The following ARHGAP10 variants were observed in gnomAD, a reference collection of about 807,000 sequenced individuals.
ARHGAP10 encodes the protein rho GTPase-activating protein 10.
Under a neutral mutation model 108.6 loss-of-function variants are expected in ARHGAP10, and 87 were observed. The observed-to-expected ratio is 0.80, with a 90% CI of 0.67 to 0.96. The LOEUF (loss-of-function observed/expected upper bound fraction) is 0.96, where lower values mean the gene tolerates loss of function less well. Among genes scored for constraint, ARHGAP10 ranks in the 40% least tolerant of loss-of-function variants. The pLI, the probability that ARHGAP10 is intolerant of heterozygous loss-of-function variation, is 0.00. For missense variants in ARHGAP10, 939 were observed against 954.5 expected, an observed-to-expected ratio of 0.98 and a Z score of 0.21; for synonymous variants, 347 against 341.1, an observed-to-expected ratio of 1.02 and a Z score of -0.19.
intron 10 of ARHGAP10, among the ~76,000 whole-genome samples, chr4:147,899,325 A>ATG (rs1156382493): frequency 6.6e-6 from 1 of 150,880 alleles, no homozygotes; most frequent in East Asian, 1.9e-4. Context: ...GTGTGTGTGC[A>ATG]TGCGTGTGTG....
intron 15 of ARHGAP10, among the ~76,000 whole-genome samples, chr4:147,950,423 T>G (rs1578724959): frequency 6.6e-6 from 1 of 152,218 alleles, no homozygotes; most frequent in African/African-American, 2.4e-5. Flanking sequence ...CCAGCCTGCC[T>G]GCCAGGGTTG....
chr4:147,795,068 G>A (rs188138318), intron 1 of ARHGAP10, among the ~76,000 whole-genome samples: 109 of 152,252 alleles, frequency 7.2e-4, no homozygotes, highest in African/African-American at 2.4e-3. Flanking sequence ...AGCAGCTGCC[G>A]GTCAAGGGTG....
At chr4:147,954,860 AAT>A (rs1481997155) in intron 15 of ARHGAP10, among the ~76,000 whole-genome samples, 4 of 152,150 alleles carry the variant, frequency 2.6e-5, no homozygotes, top group Non-Finnish European at 4.4e-5. Context: ...TTATTTTTAT[AAT>A]ATATTTAATC....
chr4:148,068,945 G>A (rs909083060), intron 22 of ARHGAP10, among the ~76,000 whole-genome samples: 2 of 152,176 alleles, frequency 1.3e-5, no homozygotes, highest in Non-Finnish European at 2.9e-5. Flanking sequence ...TGAGGACACC[G>A]TGGCTGAAGC....
At chr4:147,806,750 G>A (rs1433336770) in intron 1 of ARHGAP10, among the ~76,000 whole-genome samples, 1 of 152,116 alleles carries the variant, frequency 6.6e-6, no homozygotes, top group Non-Finnish European at 1.5e-5. Context: ...TGCCCAGGCT[G>A]GAGTGTGGGG....
chr4:147,827,964 C>T (rs1373678504), intron 3 of ARHGAP10, among the ~76,000 whole-genome samples: 12 of 152,114 alleles, frequency 7.9e-5, no homozygotes, highest in African/African-American at 2.9e-4. Context: ...CGCCACCACG[C>T]CCAGCTCATT....
chr4:148,048,019 C>A (rs941722301), intron 20 of ARHGAP10, among the ~76,000 whole-genome samples: 11 of 152,064 alleles, frequency 7.2e-5, no homozygotes, highest in Admixed American at 2.0e-4. Context: ...GACGGGGTTT[C>A]ACCATGTTGG....
At chr4:147,732,518 C>A in intron 1 of ARHGAP10, 63 bp downstream of exon 1, 1 of 1,591,114 alleles carries the variant, frequency 6.3e-7, no homozygotes, top group Non-Finnish European at 8.6e-7. Flanking sequence ...GAGCCTCTCT[C>A]GGCAGGAGAC....
intron 1 of ARHGAP10, among the ~76,000 whole-genome samples, chr4:147,818,179 A>T (rs1208547612): frequency 9.9e-5 from 14 of 141,910 alleles, no homozygotes; most frequent in Non-Finnish European, 9.1e-5. Flanking sequence ...TTTTTTTTTT[A>T]AAGGTAACAG....
intron 10 of ARHGAP10, among the ~76,000 whole-genome samples, chr4:147,902,485 T>C (rs113424663): frequency 0.03 from 4,523 of 152,240 alleles, 161 homozygotes; most frequent in African/African-American, 0.087. Flanking sequence ...CCCAGCACTT[T>C]AGGAGGCCGA....
intron 18 of ARHGAP10, among the ~76,000 whole-genome samples, chr4:147,973,995 A>G (rs1381586449): frequency 1.3e-5 from 2 of 152,148 alleles, no homozygotes; most frequent in African/African-American, 4.8e-5. Context: ...TGCTGCAGTA[A>G]TCATGGGAGT....
At chr4:147,766,344 C>G (rs1483610098) in intron 1 of ARHGAP10, among the ~76,000 whole-genome samples, 3 of 151,696 alleles carry the variant, frequency 2.0e-5, no homozygotes. Context: ...CTCCCATATG[C>G]TTTAAATCAT....
chr4:147,749,822 C>T (rs1228554595), intron 1 of ARHGAP10, among the ~76,000 whole-genome samples: 2 of 152,176 alleles, frequency 1.3e-5, no homozygotes, highest in Admixed American at 1.3e-4. Flanking sequence ...TATGTAAACT[C>T]TGAAATCTTT....
intron 1 of ARHGAP10, among the ~76,000 whole-genome samples, chr4:147,757,265 G>T (rs1221872655): frequency 1.3e-5 from 2 of 150,342 alleles, no homozygotes; most frequent in Non-Finnish European, 3.0e-5. Flanking sequence ...TGCCATCTGG[G>T]CTCACTGCAA....
chr4:147,872,099 C>CAAA (rs36205660), intron 7 of ARHGAP10, among the ~76,000 whole-genome samples: 1,065 of 69,808 alleles, frequency 0.015, 36 homozygotes, highest in African/African-American at 0.042. Flanking sequence ...GAGACTCGGT[C>CAAA]AAAAAAAAAA....
intron 18 of ARHGAP10, among the ~76,000 whole-genome samples, chr4:148,001,506 G>T (rs1405360256): frequency 6.6e-6 from 1 of 152,120 alleles, no homozygotes; most frequent in South Asian, 2.1e-4. Context: ...ACCTTGGGTG[G>T]TATGGCCATT....
intron 19 of ARHGAP10, among the ~76,000 whole-genome samples, chr4:148,041,643 C>T (rs764973027): frequency 6.6e-6 from 1 of 152,160 alleles, no homozygotes; most frequent in Non-Finnish European, 1.5e-5. Context: ...AATTTTCTGC[C>T]AATCTTTGAA....
intron 18 of ARHGAP10, among the ~76,000 whole-genome samples, chr4:147,982,546 CTTTTTTT>C (rs753773443): frequency 1.7e-4 from 11 of 66,270 alleles, no homozygotes; most frequent in African/African-American, 2.1e-4. Context: ...CCAGCTAAAT[CTTTTTTT>C]TTTTTTTTTT....
rs540035360 is a variant in ARHGAP10, at chr4:147,793,409, G to C, written c.155-29318G>C. On this transcript the variant is annotated intron_variant, in intron 1 of 22. Transcript: ENST00000336498. ...CCAGTGAAGAAAGAACAGAATTTCA[G>C]AGCAATATCTTAGGAGTTGAACTTG... 5.3e-5 allele frequency among the ~76,000 whole-genome samples: 8 copies of C among 151,674 alleles called. No individual in the cohort carries two copies. In the East Asian group the frequency reaches 1.5e-3, roughly 29 times the overall value.
Sources: gnomAD v4.1 joint callset for allele counts (sites outside exome capture counted in the v4.1 genomes callset) on GRCh38, gnomAD v4.1.1 for gene constraint, MANE v1.5 for transcripts, NCBI Gene and HGNC (gene_info 2026-07-23, HGNC 2026-07-21) for gene names.